Variants in LINGO2 observed in about 807,000 individuals in gnomAD.
LINGO2 encodes the protein leucine rich repeat and Ig domain containing 2.
Under a neutral mutation model 30.6 loss-of-function variants are expected in LINGO2, and 14 were observed. The ratio of observed to expected loss-of-function variants is 0.46; its 90% CI spans 0.30 to 0.72. The LOEUF (loss-of-function observed/expected upper bound fraction) is 0.72. Ranked by LOEUF, LINGO2 falls within the 30% of genes least tolerant of loss-of-function variation. LINGO2 has a pLI of 0.07. For synonymous variants in LINGO2, 317 were observed against 288.5 expected (o/e 1.10, Z -1.00); for missense variants, 729 against 751.7 (o/e 0.97, Z 0.35).
chr9:28,603,700 T>G (rs1201775589), intron 1 of LINGO2, among the ~76,000 whole-genome samples: 1 of 152,066 alleles, frequency 6.6e-6, no homozygotes, highest in African/African-American at 2.4e-5. Flanking sequence ...AAGATTCATT[T>G]TATTAACCCA....
At chr9:28,178,011 A>G (rs1352709897) in intron 4 of LINGO2, among the ~76,000 whole-genome samples, 1 of 152,198 alleles carries the variant, frequency 6.6e-6, no homozygotes, top group Non-Finnish European at 1.5e-5. Flanking sequence ...ACATGAATCT[A>G]TGCAAATAGA....
At chr9:28,842,328 A>G in the LINGO2 span, among the ~76,000 whole-genome samples, 119,668 of 151,626 alleles carry the variant, frequency 0.79, 47,477 homozygotes, top group East Asian at 0.9. Context: ...ACTGAGGCTC[A>G]GAAATGTAAG....
chr9:28,090,255 A>G (rs1378331561), intron 4 of LINGO2, among the ~76,000 whole-genome samples: 1 of 152,186 alleles, frequency 6.6e-6, no homozygotes. Flanking sequence ...ACAGAAACAC[A>G]ACAAAAAAAG....
chr9:28,120,343 C>T (rs542007155), intron 4 of LINGO2, among the ~76,000 whole-genome samples: 1 of 152,290 alleles, frequency 6.6e-6, no homozygotes, highest in African/African-American at 2.4e-5. Flanking sequence ...GAGGCAATCT[C>T]TTTGTGGAAC....
At chr9:28,831,647 T>C in the LINGO2 span, among the ~76,000 whole-genome samples, 1 of 151,908 alleles carries the variant, frequency 6.6e-6, no homozygotes, top group Non-Finnish European at 1.5e-5. Flanking sequence ...GTAAAAAAAA[T>C]AGCAGAATGA....
At chr9:28,204,148 T>C (rs1820331793) in intron 4 of LINGO2, among the ~76,000 whole-genome samples, 1 of 152,206 alleles carries the variant, frequency 6.6e-6, no homozygotes, top group African/African-American at 2.4e-5. Flanking sequence ...TAGTTGTCAC[T>C]CAGTTGTAGT....
chr9:28,065,646 T>G (rs952096927), intron 4 of LINGO2, among the ~76,000 whole-genome samples: 1 of 152,150 alleles, frequency 6.6e-6, no homozygotes, highest in Non-Finnish European at 1.5e-5. Context: ...AACTCCTCCA[T>G]GAAGCCTCAG....
At chr9:28,763,463 G>C in the LINGO2 span, among the ~76,000 whole-genome samples, 1 of 151,822 alleles carries the variant, frequency 6.6e-6, no homozygotes, top group East Asian at 1.9e-4. Flanking sequence ...GAAATCAAAA[G>C]AGAATTTAGA....
chr9:28,475,874 C>T (rs940544400), intron 2 of LINGO2, 66 bp downstream of exon 4: 1 of 152,550 alleles, frequency 6.6e-6, no homozygotes, highest in Non-Finnish European at 1.5e-5. Context: ...ATAAACTATG[C>T]AGACTTTTTG....
chr9:28,168,103 C>A (rs1382474279), intron 4 of LINGO2, among the ~76,000 whole-genome samples: 1 of 152,168 alleles, frequency 6.6e-6, no homozygotes, highest in Non-Finnish European at 1.5e-5. Context: ...AGGAAACTCC[C>A]CTTCTTGTTA....
At chr9:29,025,335 A>G in the LINGO2 span, among the ~76,000 whole-genome samples, 1 of 152,058 alleles carries the variant, frequency 6.6e-6, no homozygotes, top group South Asian at 2.1e-4. Context: ...TTAATGAAAC[A>G]TTTGGCCTTT....
At position 28,047,288 on chromosome 9, in the gene LINGO2, T is replaced by C. The variant is rs554002584; in HGVS notation, c.-86-34883A>G. Among the ~76,000 whole-genome samples the C allele has an allele frequency of 2.6e-5, 4 of 152,262 alleles. No homozygotes were observed. The South Asian group carries it at 8.3e-4, about 32-fold the overall frequency. On this transcript the variant is annotated intron_variant, in intron 4 of 5. Transcript: ENST00000379992. ...TTGGTCGGAGCTTGCCCTCCTTTTA[T>C]GGAGGATGATTGTAGGTTCTGGCAG...
chr9:28,402,636 T>A (rs1025699441), intron 2 of LINGO2, among the ~76,000 whole-genome samples: 1 of 151,836 alleles, frequency 6.6e-6, no homozygotes, highest in Non-Finnish European at 1.5e-5. Context: ...TCTGCTCTCC[T>A]TCACTCTCTC....
chr9:28,737,276 T>A, the LINGO2 span, among the ~76,000 whole-genome samples: 1 of 152,178 alleles, frequency 6.6e-6, no homozygotes, highest in Non-Finnish European at 1.5e-5. Flanking sequence ...GCCAGATATG[T>A]GATACTAAAG....
In LINGO2 at chr9:28,178,078, AG is replaced by A. The variant is rs568442675; in HGVS notation, c.-87+117129del. ...GATGCTAAAGTCCTAGGAGCTATGA[AG>A]CCTACTATCGGCCTCCCATCACTTT... On this transcript the variant is annotated intron_variant, in intron 4 of 5. Transcript: ENST00000379992. Among the ~76,000 whole-genome samples the A allele has an allele frequency of 3.3e-4, 50 of 152,258 alleles. 1 individual carries two copies. The South Asian group carries it at 6.2e-3, about 19-fold the overall frequency.
At chr9:28,119,247 C>T (rs1827023548) in intron 4 of LINGO2, among the ~76,000 whole-genome samples, 1 of 152,096 alleles carries the variant, frequency 6.6e-6, no homozygotes, top group African/African-American at 2.4e-5. Context: ...AACCTAGAAA[C>T]CTCAGCCTCC....
intron 4 of LINGO2, among the ~76,000 whole-genome samples, chr9:28,146,270 A>G: frequency 6.6e-6 from 1 of 152,178 alleles, no homozygotes; most frequent in East Asian, 1.9e-4. Flanking sequence ...CTGGGCCCTC[A>G]AATCCCTGCT....
At chr9:29,195,350 T>C in the LINGO2 span, among the ~76,000 whole-genome samples, 1 of 151,738 alleles carries the variant, frequency 6.6e-6, no homozygotes, top group Non-Finnish European at 1.5e-5. Flanking sequence ...TAATATTGTG[T>C]GTGTGTGTGT....
chr9:27,999,723 G>A (rs896113945), intron 5 of LINGO2, among the ~76,000 whole-genome samples: 7 of 152,084 alleles, frequency 4.6e-5, no homozygotes, highest in African/African-American at 1.7e-4. Context: ...ATGAAAGACT[G>A]ACTGTGCAAA....
Sources: gnomAD v4.1 joint callset for allele counts (sites outside exome capture counted in the v4.1 genomes callset) on GRCh38, gnomAD v4.1.1 for gene constraint, MANE v1.5 for transcripts, NCBI Gene and HGNC (gene_info 2026-07-23, HGNC 2026-07-21) for gene names.